ADAMTS18: variants seen among roughly 807,000 people sequenced by gnomAD.
The protein encoded by ADAMTS18 is A disintegrin and metalloproteinase with thrombospondin motifs 18.
ADAMTS18 carries 157 observed loss-of-function variants against 165.9 expected under a neutral mutation model. The observed-to-expected ratio is 0.95, with a 90% CI of 0.83 to 1.08. The LOEUF (loss-of-function observed/expected upper bound fraction) is 1.08, where lower values mean the gene tolerates loss of function less well. Among genes scored for constraint, ADAMTS18 ranks in the 50% least tolerant of loss-of-function variants. The pLI is 0.00. For synonymous variants in ADAMTS18, 782 were observed against 578.2 expected, an observed-to-expected ratio of 1.35 and a Z score of -5.06; for missense variants, 2,040 against 1,534.0, an observed-to-expected ratio of 1.33 and a Z score of -5.51.
At chr16:77,340,755 T>C (rs368190843) in intron 11 of ADAMTS18, among the ~76,000 whole-genome samples, 6 of 152,132 alleles carry the variant, frequency 3.9e-5, no homozygotes, top group East Asian at 3.9e-4. Context: ...TAAGCTTTTG[T>C]AGAGATAGGG....
intron 3 of ADAMTS18, among the ~76,000 whole-genome samples, chr16:77,392,185 T>C (rs914251789): frequency 6.6e-6 from 1 of 152,184 alleles, no homozygotes; most frequent in African/African-American, 2.4e-5. Flanking sequence ...CTCCAAACCC[T>C]TGGCTGGCTC....
chr16:77,424,913 G>A (rs1478110245), intron 3 of ADAMTS18, among the ~76,000 whole-genome samples: 2 of 152,166 alleles, frequency 1.3e-5, no homozygotes, highest in African/African-American at 4.8e-5. Context: ...AAGCAGCTGA[G>A]CCTAGTTTCT....
At chr16:77,350,857 T>C (rs1186925272) in intron 10 of ADAMTS18, among the ~76,000 whole-genome samples, 2 of 152,158 alleles carry the variant, frequency 1.3e-5, no homozygotes, top group African/African-American at 2.4e-5. Context: ...CTTTGATAAT[T>C]AGTTCCTTTT....
chr16:77,367,514 T>G lies in ADAMTS18; in HGVS notation c.705A>C (p.Ala235=). ...PGYSPSHIPH[A]SQSRETEYHH... ...GATACTCTGTCTCTCGACTCTGAGA[T>G]GCATGGGGAATGTGACTTGGGGAGT... Residue 235 remains alanine, a synonymous_variant, in exon 4 of 23, where the codon GCA becomes GCC. Transcript: ENST00000282849. The G allele has an allele frequency of 6.2e-7, 1 of 1,614,220 alleles. No individual in the cohort carries two copies. The highest frequency in any genetic ancestry group is 2.2e-5 in the East Asian group (1 of 44,878).
chr16:77,290,214 T>C (rs73630453), intron 21 of ADAMTS18, among the ~76,000 whole-genome samples: 3,788 of 152,258 alleles, frequency 0.025, 156 homozygotes, highest in African/African-American at 0.086. Flanking sequence ...GGAAGATAGA[T>C]AGTAAATATT....
intron 12 of ADAMTS18, among the ~76,000 whole-genome samples, chr16:77,332,033 C>A (rs1035420683): frequency 6.6e-6 from 1 of 152,170 alleles, no homozygotes. Context: ...AGACCCTCTT[C>A]TAAAGCACTT....
chr16:77,351,322 G>T lies in ADAMTS18; in HGVS notation c.1614+2411C>A, dbSNP rs564719126. Among the ~76,000 whole-genome samples the T allele has an allele frequency of 7.2e-5, 11 of 152,128 alleles. No individual in the cohort carries two copies. In the East Asian group the frequency reaches 2.1e-3, roughly 29 times the overall value. ...CTTGTTTGACTCAATCTTTTATTTTGGAATTTTCATTTCTCTTTGCTCTGC... is the reference window on the plus strand; with the variant it reads ...CTTGTTTGACTCAATCTTTTATTTTTGAATTTTCATTTCTCTTTGCTCTGC... On this transcript the variant is annotated intron_variant, in intron 10 of 22. Coordinates refer to ENST00000282849, the MANE Select transcript of ADAMTS18 (RefSeq NM_199355.4).
intron 3 of ADAMTS18, among the ~76,000 whole-genome samples, chr16:77,420,936 T>G (rs1226397042): frequency 6.6e-6 from 1 of 152,236 alleles, no homozygotes; most frequent in Non-Finnish European, 1.5e-5. Context: ...CCATAGACAC[T>G]AAAAAGTACT....
At chr16:77,384,044 A>G (rs2057071538) in intron 3 of ADAMTS18, among the ~76,000 whole-genome samples, 2 of 149,462 alleles carry the variant, frequency 1.3e-5, no homozygotes, top group Admixed American at 6.6e-5. Flanking sequence ...CATCCCTCCT[A>G]TTAGCTCCTT....
intron 2 of ADAMTS18, among the ~76,000 whole-genome samples, chr16:77,432,974 C>T (rs1471334388): frequency 1.3e-5 from 2 of 152,152 alleles, no homozygotes; most frequent in African/African-American, 4.8e-5. Flanking sequence ...TTCTTCTTGA[C>T]TCCCTCCTTT....
chr16:77,283,073 T>C lies in ADAMTS18; in HGVS notation c.*883A>G, dbSNP rs2055179667. ...TTCTCCCTCAAAACACTGCTGTGTT[T>C]TGTCATTTAGCTCCTCCTAGATATT... On this transcript the variant is annotated 3_prime_UTR_variant, in exon 23 of 23. Coordinates refer to ENST00000282849, the MANE Select transcript of ADAMTS18 (RefSeq NM_199355.4). 6.6e-6 allele frequency: 1 copy of C among 152,390 alleles called. No homozygotes were observed. Among genetic ancestry groups the C allele is most frequent in the Non-Finnish European group, 1.5e-5 (1 of 68,022 alleles). 9.4% of individuals were successfully genotyped at this position (152,390 alleles called of 1,614,324 possible). A position where few individuals can be genotyped will look rare whatever the true frequency, so the allele number is the denominator to read the frequency against.
intron 3 of ADAMTS18, among the ~76,000 whole-genome samples, chr16:77,414,068 A>G (rs1378689906): frequency 6.6e-6 from 1 of 152,264 alleles, no homozygotes; most frequent in Non-Finnish European, 1.5e-5. Flanking sequence ...GGTGCATATT[A>G]GCCAGAATTC....
At chr16:77,394,283 T>C (rs544288656) in intron 3 of ADAMTS18, among the ~76,000 whole-genome samples, 20 of 152,206 alleles carry the variant, frequency 1.3e-4, no homozygotes, top group Admixed American at 1.2e-3. Flanking sequence ...CTGGTGGTCA[T>C]AGAACAGGTA....
At chr16:77,347,592 T>C (rs2056496555) in intron 10 of ADAMTS18, among the ~76,000 whole-genome samples, 6 of 152,170 alleles carry the variant, frequency 3.9e-5, no homozygotes, top group Admixed American at 3.9e-4. Flanking sequence ...TTATTGACTA[T>C]GTGTATGTCT....
intron 16 of ADAMTS18, among the ~76,000 whole-genome samples, chr16:77,307,253 G>C (rs945151529): frequency 4.6e-5 from 7 of 152,190 alleles, no homozygotes; most frequent in Non-Finnish European, 1.0e-4. Context: ...TTGTGGTGTG[G>C]ATTCATGTTT....
intron 16 of ADAMTS18, among the ~76,000 whole-genome samples, chr16:77,305,351 C>T (rs550953268): frequency 2.6e-5 from 4 of 152,058 alleles, no homozygotes; most frequent in Non-Finnish European, 4.4e-5. Context: ...CTCTTTCACC[C>T]TGTTCTTAAA....
At chr16:77,345,320 T>G (rs1250970901) in intron 10 of ADAMTS18, among the ~76,000 whole-genome samples, 1 of 152,218 alleles carries the variant, frequency 6.6e-6, no homozygotes, top group African/African-American at 2.4e-5. Flanking sequence ...CATCTCACTC[T>G]AAGACACCTC....
intron 13 of ADAMTS18, among the ~76,000 whole-genome samples, chr16:77,322,694 C>G (rs1481575455): frequency 1.3e-5 from 2 of 152,118 alleles, no homozygotes; most frequent in African/African-American, 4.8e-5. Context: ...TTTTATTTTT[C>G]TCATCCTTAG....
At chr16:77,341,080 T>C (rs572663702) in intron 11 of ADAMTS18, among the ~76,000 whole-genome samples, 3 of 152,100 alleles carry the variant, frequency 2.0e-5, no homozygotes, top group Admixed American at 6.6e-5. Flanking sequence ...CCAGACTCTA[T>C]TGAGAAAGAG....
Sources: allele counts gnomAD v4.1 joint callset (sites outside exome capture counted in the v4.1 genomes callset), GRCh38; gene constraint gnomAD v4.1.1; transcripts MANE v1.5; gene names NCBI Gene and HGNC (gene_info 2026-07-23, HGNC 2026-07-21).